LAMA3: variants seen among roughly 807,000 people sequenced by gnomAD.
LAMA3 encodes the protein laminin subunit alpha 3.
Under a neutral mutation model 402.0 loss-of-function variants are expected in LAMA3, and 281 were observed. That is an observed-to-expected ratio of 0.70 (90% CI 0.63 to 0.77). The LOEUF (loss-of-function observed/expected upper bound fraction) is 0.77, where lower values mean the gene tolerates loss of function less well. Ranked by LOEUF, LAMA3 falls within the 30% of genes least tolerant of loss-of-function variation. The probability of loss-of-function intolerance (pLI) is 0.00; values close to 1 mark genes in which losing one functional copy is unlikely to be tolerated. For synonymous variants in LAMA3, 1,431 were observed against 1,558.4 expected (o/e 0.92, Z 1.93); for missense variants, 3,840 against 4,215.5 (o/e 0.91, Z 2.47).
chr18:23,691,868 G>A (rs955887668), intron 1 of LAMA3, among the ~76,000 whole-genome samples: 2 of 152,092 alleles, frequency 1.3e-5, no homozygotes, highest in Non-Finnish European at 2.9e-5. Flanking sequence ...CACTGCACCC[G>A]GCCTGATTTT....
intron 74 of LAMA3, 103 bp from the exon 75 acceptor site, chr18:23,954,399 TC>T: frequency 1.3e-5 from 10 of 750,646 alleles, no homozygotes; most frequent in Middle Eastern, 3.4e-4. Flanking sequence ...CAGGACCCTG[TC>T]TAAAAAAAAA....
Position 23,781,236 on chromosome 18 carries a change from G to A in LAMA3, c.1469-2787G>A, listed in dbSNP as rs190066947. 8.8e-4 allele frequency: 393 copies of A among 445,700 alleles called. 1 individual carries two copies. Among genetic ancestry groups the A allele is most frequent in the African/African-American group, 7.1e-3 (354 of 49,648 alleles). The allele number at this position is 445,700 out of a possible 1,614,324, so 27.6% of individuals were successfully genotyped here. A position where few individuals can be genotyped will look rare whatever the true frequency, so the allele number is the denominator to read the frequency against. ...AACGTTCCCTTTCCCTGTGACATTCGTTCTCAGCCTACAGGGCTGTGGCAT... is the reference window on the plus strand; with the variant it reads ...AACGTTCCCTTTCCCTGTGACATTCATTCTCAGCCTACAGGGCTGTGGCAT... On this transcript the variant is annotated intron_variant, in intron 11 of 74. Coordinates refer to ENST00000313654, the MANE Select transcript of LAMA3 (RefSeq NM_198129.4).
Position 23,879,856 on chromosome 18 carries a change from C to A in LAMA3, c.5113-2080C>A, listed in dbSNP as rs1393394695. 6.6e-6 allele frequency among the ~76,000 whole-genome samples: 1 copy of A among 152,182 alleles called. No individual in the cohort carries two copies. The highest frequency in any genetic ancestry group is 1.5e-5 in the Non-Finnish European group (1 of 68,034). On this transcript the variant is annotated intron_variant, in intron 39 of 74. Transcript: ENST00000313654. This position sits in a 1 kb window ranked among gnomAD's most constrained non-coding sequence, Gnocchi z 4.2. ...CTCTCCTCTCACCCCTGTGAAGGAC[C>A]AGTACTCAGAGTGATTTTAGTAGGA...
intron 35 of LAMA3, among the ~76,000 whole-genome samples, chr18:23,864,385 CCTGA>C (rs1256028001): frequency 1.3e-5 from 2 of 152,022 alleles, no homozygotes; most frequent in East Asian, 3.9e-4. Flanking sequence ...CACCACCACA[CCTGA>C]CTAATTTTTA....
At chr18:23,904,476 A>C (rs1391014368) in intron 50 of LAMA3, 77 bp from the exon 51 acceptor site, 1 of 1,406,520 alleles carries the variant, frequency 7.1e-7, no homozygotes, top group Non-Finnish European at 9.7e-7. Flanking sequence ...AAAAAGAAGA[A>C]ATGGAAAGGT....
At chr18:23,775,188 C>G (rs1329486057) in intron 9 of LAMA3, among the ~76,000 whole-genome samples, 1 of 152,180 alleles carries the variant, frequency 6.6e-6, no homozygotes, top group African/African-American at 2.4e-5. Context: ...AGTGGGAGGT[C>G]GACAATCTTC....
chr18:23,751,384 A>G (rs1348189901), intron 5 of LAMA3, among the ~76,000 whole-genome samples: 1 of 152,218 alleles, frequency 6.6e-6, no homozygotes, highest in East Asian at 1.9e-4. Context: ...CCCAAATCTC[A>G]GTGGCTTAAC....
chr18:23,852,591 G>C (rs1001294616), intron 32 of LAMA3, among the ~76,000 whole-genome samples: 1 of 152,188 alleles, frequency 6.6e-6, no homozygotes, highest in Non-Finnish European at 1.5e-5. Context: ...ACATGTTTGT[G>C]ATCTGGTGGG....
intron 2 of LAMA3, among the ~76,000 whole-genome samples, chr18:23,726,983 G>A (rs1598657855): frequency 6.6e-6 from 1 of 152,256 alleles, no homozygotes; most frequent in Admixed American, 6.5e-5. Flanking sequence ...GTAGATTCTG[G>A]ATATTAGTCC....
intron 11 of LAMA3, among the ~76,000 whole-genome samples, chr18:23,778,911 G>A (rs557099982): frequency 2.9e-4 from 44 of 152,260 alleles, no homozygotes; most frequent in African/African-American, 9.1e-4. Context: ...GGTGATAAGC[G>A]CTGCTGAAAA....
chr18:23,842,868 A>G, intron 29 of LAMA3, 118 bp downstream of exon 29: 2 of 1,323,006 alleles, frequency 1.5e-6, no homozygotes. Flanking sequence ...ATTTGTAGAA[A>G]AATGTTTAAA....
chr18:23,805,362 T>C (rs897140027), intron 12 of LAMA3, among the ~76,000 whole-genome samples: 2 of 152,206 alleles, frequency 1.3e-5, no homozygotes, highest in African/African-American at 4.8e-5. Flanking sequence ...TTCAAGTCTT[T>C]GATGGTAGCC....
At chr18:23,880,028 A>G (rs1374808453) in intron 39 of LAMA3, among the ~76,000 whole-genome samples, 2 of 152,286 alleles carry the variant, frequency 1.3e-5, no homozygotes, top group Admixed American at 6.5e-5. Flanking sequence ...AAAGAGAAAG[A>G]GAACTAAAAT....
At chr18:23,933,990 GC>G in intron 67 of LAMA3, 55 bp downstream of exon 67, 10 of 1,572,466 alleles carry the variant, frequency 6.4e-6, no homozygotes, top group Non-Finnish European at 8.7e-6. Context: ...ATTCCCCTGA[GC>G]CTGCCTTGTG....
chr18:23,852,578 C>T (rs1474368898), intron 32 of LAMA3, among the ~76,000 whole-genome samples: 1 of 152,166 alleles, frequency 6.6e-6, no homozygotes, highest in Admixed American at 6.5e-5. Context: ...CTGTGGAAGG[C>T]ACACATGTTT....
chr18:23,690,833 A>G (rs868454424), intron 1 of LAMA3, among the ~76,000 whole-genome samples: 7 of 150,402 alleles, frequency 4.7e-5, no homozygotes, highest in Middle Eastern at 6.8e-3. Context: ...CTGAAATGCA[A>G]TGGTGCGATC....
intron 18 of LAMA3, among the ~76,000 whole-genome samples, chr18:23,817,688 C>A (rs2063203389): frequency 6.6e-6 from 1 of 152,146 alleles, no homozygotes; most frequent in African/African-American, 2.4e-5. Context: ...GCACTACAGC[C>A]TGAGTGACAG....
chr18:23,945,586 TTG>T (rs777751882), intron 69 of LAMA3, among the ~76,000 whole-genome samples: 1 of 152,170 alleles, frequency 6.6e-6, no homozygotes, highest in Non-Finnish European at 1.5e-5. Flanking sequence ...AGGTCACAGC[TTG>T]GCATATAAAT....
chr18:23,872,867 G>A (rs1275767338), intron 38 of LAMA3: 2 of 671,158 alleles, frequency 3.0e-6, no homozygotes, highest in Admixed American at 2.4e-5. Context: ...CTTACCTGCG[G>A]GACTGTTATG....
Sources: allele counts gnomAD v4.1 joint callset (sites outside exome capture counted in the v4.1 genomes callset), GRCh38; gene constraint gnomAD v4.1.1; non-coding constraint Gnocchi (gnomAD v3.1); transcripts MANE v1.5; gene names NCBI Gene and HGNC (gene_info 2026-07-23, HGNC 2026-07-21).